WDPCP: variants seen among roughly 807,000 people sequenced by gnomAD.
The protein encoded by WDPCP is WD repeat containing planar cell polarity effector, also known as WD repeat-containing and planar cell polarity effector protein fritz homolog.
Under a neutral mutation model 93.1 loss-of-function variants are expected in WDPCP, and 71 were observed. That is an observed-to-expected ratio of 0.76 (90% CI 0.63 to 0.93). The LOEUF is 0.93. Among genes scored for constraint, WDPCP ranks in the 40% least tolerant of loss-of-function variants. The pLI, the probability that WDPCP is intolerant of heterozygous loss-of-function variation, is 0.00. For missense variants in WDPCP, 844 were observed against 887.4 expected (o/e 0.95, Z 0.62); for synonymous variants, 315 against 315.0 (o/e 1.00, Z 0.00).
chr2:63,572,067 T>C (rs12104978), intron 1 of WDPCP, among the ~76,000 whole-genome samples: 71,362 of 151,930 alleles, frequency 0.47, 17,159 homozygotes, highest in African/African-American at 0.53. Context: ...AGTGGACGTA[T>C]AGATAATCAG....
At chr2:63,200,392 A>G (rs1224319634) in intron 14 of WDPCP, among the ~76,000 whole-genome samples, 1 of 152,166 alleles carries the variant, frequency 6.6e-6, no homozygotes, top group Non-Finnish European at 1.5e-5. Context: ...CTGCACTCCC[A>G]TGTTTGTTGC....
At chr2:63,809,513 G>A (rs1445827929) in intron 2 of WDPCP, among the ~76,000 whole-genome samples, 1 of 152,236 alleles carries the variant, frequency 6.6e-6, no homozygotes, top group African/African-American at 2.4e-5. Flanking sequence ...GATGGTTGCC[G>A]TGTCTGTGTA....
At chr2:63,544,397 T>C (rs373345941) in intron 1 of WDPCP, among the ~76,000 whole-genome samples, 1 of 152,294 alleles carries the variant, frequency 6.6e-6, no homozygotes, top group African/African-American at 2.4e-5. Context: ...ACTATTAAGT[T>C]TGGGATATAT....
intron 9 of WDPCP, among the ~76,000 whole-genome samples, chr2:63,416,465 G>A (rs997243630): frequency 6.7e-5 from 4 of 59,506 alleles, no homozygotes; most frequent in Non-Finnish European, 1.7e-4. Flanking sequence ...CTCCCAAAGT[G>A]CTGGGATTAC....
intron 2 of WDPCP, among the ~76,000 whole-genome samples, chr2:63,693,347 T>C (rs867816204): frequency 9.2e-5 from 14 of 152,092 alleles, no homozygotes; most frequent in Non-Finnish European, 1.5e-5. Flanking sequence ...CTGGTATGTA[T>C]AATAAAATAC....
chr2:63,762,238 G>A (rs1670066716), intron 2 of WDPCP, among the ~76,000 whole-genome samples: 4 of 152,196 alleles, frequency 2.6e-5, no homozygotes, highest in Admixed American at 2.0e-4. Flanking sequence ...GTTGGTGACT[G>A]AGGGGACCAA....
chr2:63,800,526 A>C (rs1425750980), intron 2 of WDPCP, among the ~76,000 whole-genome samples: 1 of 152,246 alleles, frequency 6.6e-6, no homozygotes, highest in Non-Finnish European at 1.5e-5. Context: ...TAAAACAATC[A>C]AAAGTTCAGA....
At chr2:63,740,357 A>C (rs1042525485) in intron 2 of WDPCP, among the ~76,000 whole-genome samples, 4 of 152,094 alleles carry the variant, frequency 2.6e-5, no homozygotes, top group African/African-American at 9.7e-5. Context: ...TTTGGATTTT[A>C]CTTATTACTC....
intron 1 of WDPCP, among the ~76,000 whole-genome samples, chr2:63,564,010 T>A (rs1451668902): frequency 6.6e-6 from 1 of 152,232 alleles, no homozygotes; most frequent in South Asian, 2.1e-4. Context: ...TTAGGGTATA[T>A]GAATTATATC....
chr2:63,714,767 T>G (rs1325120122), intron 2 of WDPCP, among the ~76,000 whole-genome samples: 2 of 152,282 alleles, frequency 1.3e-5, no homozygotes, highest in East Asian at 3.9e-4. Flanking sequence ...AGGCAGAGGT[T>G]GCAGTGAGCC....
intron 2 of WDPCP, chr2:63,650,952 T>A (rs1394472068): frequency 6.6e-6 from 1 of 151,988 alleles, no homozygotes; most frequent in Non-Finnish European, 1.5e-5. Flanking sequence ...AAAGATGGAG[T>A]GTGGGGAACT....
chr2:63,175,629 T>C (rs944913187), intron 14 of WDPCP, among the ~76,000 whole-genome samples: 27 of 152,214 alleles, frequency 1.8e-4, no homozygotes, highest in African/African-American at 6.3e-4. Flanking sequence ...AACGTGTTAT[T>C]TTCTGTTTCT....
intron 17 of WDPCP, among the ~76,000 whole-genome samples, chr2:63,125,495 G>A (rs1277058391): frequency 6.6e-6 from 1 of 152,136 alleles, no homozygotes; most frequent in Admixed American, 6.5e-5. Context: ...GTCTTGCTAG[G>A]TTCTCCATGC....
intron 14 of WDPCP, among the ~76,000 whole-genome samples, chr2:63,208,484 C>G (rs1473741089): frequency 6.6e-6 from 1 of 152,114 alleles, no homozygotes; most frequent in African/African-American, 2.4e-5. Context: ...TCAATTTGGG[C>G]TCTACTCTGA....
intron 12 of WDPCP, among the ~76,000 whole-genome samples, chr2:63,316,277 T>A (rs1369597400): frequency 1.3e-5 from 2 of 151,772 alleles, no homozygotes; most frequent in Non-Finnish European, 2.9e-5. Flanking sequence ...TATGAGACAA[T>A]CAACACAAAA....
intron 13 of WDPCP, among the ~76,000 whole-genome samples, chr2:63,266,014 A>AG (rs749682640): frequency 2.6e-5 from 4 of 152,180 alleles, no homozygotes; most frequent in Non-Finnish European, 5.9e-5. Flanking sequence ...CCTCAACACA[A>AG]TAAAGGCCAT....
At chr2:63,707,003 G>A (rs1330066492) in intron 2 of WDPCP, among the ~76,000 whole-genome samples, 3 of 152,310 alleles carry the variant, frequency 2.0e-5, no homozygotes, top group Admixed American at 2.0e-4. Context: ...TCAGTTGTTA[G>A]TCTGATGGGC....
At chr2:63,692,981 T>C (rs1329420434) in intron 2 of WDPCP, among the ~76,000 whole-genome samples, 1 of 152,208 alleles carries the variant, frequency 6.6e-6, no homozygotes, top group Non-Finnish European at 1.5e-5. Context: ...TATAAATTCA[T>C]TTAATTCTCA....
chr2:63,725,460 G>A (rs1460901617), intron 2 of WDPCP, among the ~76,000 whole-genome samples: 1 of 152,150 alleles, frequency 6.6e-6, no homozygotes, highest in African/African-American at 2.4e-5. Context: ...TGGGCATTTA[G>A]GTTGATTCCA....
Sources: allele counts gnomAD v4.1 joint callset (sites outside exome capture counted in the v4.1 genomes callset), GRCh38; gene constraint gnomAD v4.1.1; transcripts MANE v1.5; gene names NCBI Gene and HGNC (gene_info 2026-07-23, HGNC 2026-07-21).